Variants in NEK11 observed in about 807,000 individuals in gnomAD.
NEK11 encodes NIMA related kinase 11, also known as serine/threonine-protein kinase Nek11.
Under a neutral mutation model 80.7 loss-of-function variants are expected in NEK11, and 72 were observed. That is an observed-to-expected ratio of 0.89 (90% CI 0.74 to 1.08). The LOEUF is 1.08. Among genes scored for constraint, NEK11 ranks in the 50% least tolerant of loss-of-function variants. The pLI, the probability that NEK11 is intolerant of heterozygous loss-of-function variation, is 0.00. For missense variants in NEK11, 764 were observed against 763.6 expected, an observed-to-expected ratio of 1.00 and a Z score of -0.01; for synonymous variants, 251 against 260.7, an observed-to-expected ratio of 0.96 and a Z score of 0.36.
chr3:131,276,412 C>T (rs893825751), intron 17 of NEK11, among the ~76,000 whole-genome samples: 1 of 152,060 alleles, frequency 6.6e-6, no homozygotes, highest in Non-Finnish European at 1.5e-5. Context: ...GCTAGATGGC[C>T]CTGCAGAACT....
At chr3:131,243,356 G>A (rs957494184) in intron 15 of NEK11, 80 bp from the exon 16 acceptor site, 3 of 1,328,550 alleles carry the variant, frequency 2.3e-6, no homozygotes, top group Non-Finnish European at 3.2e-6. Flanking sequence ...TCGCCTAAAT[G>A]TAGTAAGAAC....
chr3:131,118,292 G>A (rs997852870), intron 5 of NEK11, among the ~76,000 whole-genome samples: 3 of 152,132 alleles, frequency 2.0e-5, no homozygotes, highest in African/African-American at 7.2e-5. Flanking sequence ...ATTTGCATAT[G>A]TTGAACCAGC....
chr3:131,251,356 A>G (rs543655663), intron 16 of NEK11, among the ~76,000 whole-genome samples: 1 of 151,996 alleles, frequency 6.6e-6, no homozygotes, highest in Non-Finnish European at 1.5e-5. Context: ...GTCAATTTTT[A>G]AAAAGAGGTA....
At chr3:131,328,353 A>T (rs1335652290) in intron 17 of NEK11, 6 of 152,200 alleles carry the variant, frequency 3.9e-5, no homozygotes, top group African/African-American at 1.4e-4. Context: ...ATATTGTTTT[A>T]AAAAATTTGC....
chr3:131,146,031 C>G (rs1210337528), intron 7 of NEK11, among the ~76,000 whole-genome samples: 1 of 152,062 alleles, frequency 6.6e-6, no homozygotes, highest in Non-Finnish European at 1.5e-5. Flanking sequence ...GCTTCCAAGA[C>G]ACTTTAAAAT....
intron 7 of NEK11, 88 bp from the exon 8 acceptor site, chr3:131,152,300 T>G: frequency 8.7e-7 from 1 of 1,147,156 alleles, no homozygotes. Context: ...TCACAGCCAA[T>G]GCCCCAACAC....
chr3:131,124,094 A>G (rs2082864428), intron 5 of NEK11, among the ~76,000 whole-genome samples: 1 of 152,172 alleles, frequency 6.6e-6, no homozygotes. Context: ...TCCCGCCTTC[A>G]CACAACAGTA....
intron 7 of NEK11, among the ~76,000 whole-genome samples, chr3:131,140,370 C>G (rs949361546): frequency 1.3e-5 from 2 of 152,098 alleles, no homozygotes; most frequent in Non-Finnish European, 2.9e-5. Context: ...CAGCTGATAG[C>G]CAGCATCAGT....
At chr3:131,267,049 T>C in intron 16 of NEK11, among the ~76,000 whole-genome samples, 1 of 152,230 alleles carries the variant, frequency 6.6e-6, no homozygotes, top group East Asian at 1.9e-4. Flanking sequence ...TGGTAAATAT[T>C]ATTCCATCCC....
intron 3 of NEK11, among the ~76,000 whole-genome samples, chr3:131,046,055 T>C (rs1264960432): frequency 1.3e-5 from 2 of 152,222 alleles, no homozygotes. Flanking sequence ...GAATTCTTTT[T>C]CATTCTGCCA....
Position 131,140,160 on chromosome 3 carries a change from A to G in NEK11, c.647+6204A>G, listed in dbSNP as rs115600334. Among the ~76,000 whole-genome samples the G allele has an allele frequency of 4.6e-3, 708 of 152,298 alleles. 4 individuals carry two copies. Among genetic ancestry groups the G allele is most frequent in the African/African-American group, 0.015 (643 of 41,560 alleles). ...CTTTAATTTGGGTAAGCCTGTGATT[A>G]TGGCAAAATTGATGCTATGTGACTT... On this transcript the variant is annotated intron_variant, in intron 7 of 17. Transcript: ENST00000383366.
At chr3:131,116,718 G>A (rs1264010002) in intron 5 of NEK11, among the ~76,000 whole-genome samples, 2 of 152,140 alleles carry the variant, frequency 1.3e-5, no homozygotes, top group African/African-American at 2.4e-5. Flanking sequence ...GCATTTCTCT[G>A]ATGGCCAGTG....
intron 3 of NEK11, among the ~76,000 whole-genome samples, chr3:131,034,402 T>A (rs1279421416): frequency 2.0e-5 from 3 of 152,172 alleles, no homozygotes; most frequent in Non-Finnish European, 4.4e-5. Flanking sequence ...TAATACAATT[T>A]AAATTTTTTT....
At chr3:131,079,831 C>A (rs1429383895) in intron 3 of NEK11, among the ~76,000 whole-genome samples, 1 of 151,884 alleles carries the variant, frequency 6.6e-6, no homozygotes, top group South Asian at 2.1e-4. Flanking sequence ...AATATTGCTC[C>A]TATTGATATT....
chr3:131,336,058 G>C (rs1582276678), intron 17 of NEK11, among the ~76,000 whole-genome samples: 2 of 152,304 alleles, frequency 1.3e-5, no homozygotes, highest in East Asian at 3.9e-4. Context: ...GCAATTTATA[G>C]ATTCAATGCC....
At chr3:131,107,175 A>G (rs1267145513) in intron 4 of NEK11, among the ~76,000 whole-genome samples, 1 of 152,054 alleles carries the variant, frequency 6.6e-6, no homozygotes, top group Non-Finnish European at 1.5e-5. Flanking sequence ...CTGGGTTAAA[A>G]CTTCACTGTG....
chr3:131,212,627 C>A lies in NEK11; in HGVS notation c.1400-15901C>A, dbSNP rs145213602. 1.6e-4 allele frequency among the ~76,000 whole-genome samples: 25 copies of A among 152,274 alleles called. No homozygotes were observed. The East Asian group carries it at 4.8e-3, about 29-fold the overall frequency. The stretch of plus-strand genomic sequence containing the variant: ...ATCTTTGTTAAGAAACTGTTAATTA[C>A]CCTTGCCAAAAAGTCAACATCTAAA... On this transcript the variant is annotated intron_variant, in intron 14 of 17. Transcript: ENST00000383366.
chr3:131,039,873 A>G (rs2066207258), intron 3 of NEK11, among the ~76,000 whole-genome samples: 1 of 152,234 alleles, frequency 6.6e-6, no homozygotes, highest in South Asian at 2.1e-4. Context: ...TGCATGACTT[A>G]CAAGTCAACA....
At chr3:131,066,840 C>CAAAA (rs56140132) in intron 3 of NEK11, among the ~76,000 whole-genome samples, 3 of 99,756 alleles carry the variant, frequency 3.0e-5, no homozygotes, top group African/African-American at 9.2e-5. Flanking sequence ...AGACTTGTCT[C>CAAAA]AAAAAAAAAA....
Sources: allele counts gnomAD v4.1 joint callset (sites outside exome capture counted in the v4.1 genomes callset), GRCh38; gene constraint gnomAD v4.1.1; transcripts MANE v1.5; gene names NCBI Gene and HGNC (gene_info 2026-07-23, HGNC 2026-07-21).